The following BACH2 variants were observed in gnomAD, a reference collection of about 807,000 sequenced individuals.
BACH2 encodes the protein BACH transcriptional regulator 2.
A neutral mutation model predicts 61.8 loss-of-function variants in BACH2; 5 were observed. That is an observed-to-expected ratio of 0.08 (90% CI 0.04 to 0.17). The LOEUF is 0.17. BACH2 is among the 10% of genes least tolerant of loss of function. BACH2 has a pLI of 1.00. For synonymous variants in BACH2, 446 were observed against 440.1 expected (o/e 1.01, Z -0.17); for missense variants, 824 against 1,091.1 (o/e 0.76, Z 3.45).
chr6:90,253,895 A>AT (rs148639908), intron 2 of BACH2, among the ~76,000 whole-genome samples: 38,520 of 151,894 alleles, frequency 0.25, 5,681 homozygotes, highest in Non-Finnish European at 0.34. Context: ...TTGCCGAACT[A>AT]TTTTTTTTAA....
At chr6:89,942,860 TC>T (rs1237651038) in intron 7 of BACH2, among the ~76,000 whole-genome samples, 1 of 152,128 alleles carries the variant, frequency 6.6e-6, no homozygotes, top group Non-Finnish European at 1.5e-5. Context: ...TGTTGACTCT[TC>T]CCCCTCTGGA....
intron 6 of BACH2, among the ~76,000 whole-genome samples, chr6:89,967,513 C>T (rs1009877140): frequency 6.6e-6 from 1 of 152,164 alleles, no homozygotes; most frequent in Non-Finnish European, 1.5e-5. Context: ...CCTCCAGTTT[C>T]CTTGCACTAT....
intron 5 of BACH2, among the ~76,000 whole-genome samples, chr6:90,070,667 A>G (rs1737386700): frequency 6.6e-6 from 1 of 152,246 alleles, no homozygotes; most frequent in African/African-American, 2.4e-5. Context: ...TCATTCCAGT[A>G]GCAGAGGTTC....
Position 90,244,509 on chromosome 6 carries a change from A to T in BACH2, c.-275+8004T>A, listed in dbSNP as rs535729630. 5.9e-5 allele frequency among the ~76,000 whole-genome samples: 9 copies of T among 152,348 alleles called. No individual in the cohort carries two copies. The South Asian group carries it at 1.7e-3, about 28-fold the overall frequency. ...GGCTGGGCCCAACATTCTCATGGACAGACACTGCTGCCTACTTGGATGGAT... is the reference window on the plus strand; with the variant it reads ...GGCTGGGCCCAACATTCTCATGGACTGACACTGCTGCCTACTTGGATGGAT... On this transcript the variant is annotated intron_variant, in intron 3 of 8. Coordinates refer to ENST00000257749, the MANE Select transcript of BACH2 (RefSeq NM_021813.4).
At chr6:90,092,315 T>TATATATATATATATATACAC (rs142761642) in intron 4 of BACH2, among the ~76,000 whole-genome samples, 2 of 112,478 alleles carry the variant, frequency 1.8e-5, no homozygotes, top group East Asian at 6.8e-4. Flanking sequence ...TATATATATA[T>TATATATATATATATATACAC]ACACACACAC....
intron 6 of BACH2, among the ~76,000 whole-genome samples, chr6:89,991,516 A>G (rs985510722): frequency 3.9e-5 from 6 of 152,242 alleles, no homozygotes; most frequent in African/African-American, 1.4e-4. Context: ...TTTTCCCAGA[A>G]CCATTTGGAA....
At position 89,951,746 on chromosome 6, in the gene BACH2, G is replaced by A. The variant is rs765480241; in HGVS notation, c.360C>T (p.Asn120=). ...GGAAGCTGAAGCAGGAGTCCTCCAG[G>A]TTGTGCATGCGCAGGAACTCAGCAC... The part of the protein sequence containing the change: ...IRCAEFLRMH[N]LEDSCFSFLQ... The change falls in exon 7 of 9, where the codon AAC becomes AAT. Residue 120 remains asparagine (N), a synonymous_variant. Coordinates refer to ENST00000257749, the MANE Select transcript of BACH2 (RefSeq NM_021813.4). This position sits in a 1 kb window ranked among gnomAD's most constrained non-coding sequence, Gnocchi z 6.4. 6.2e-7 allele frequency: 1 copy of A among 1,614,222 alleles called. No individual in the cohort carries two copies. Among genetic ancestry groups the A allele is most frequent in the Non-Finnish European group, 8.5e-7 (1 of 1,180,050 alleles).
At chr6:90,270,954 C>CA (rs1035450234) in intron 2 of BACH2, among the ~76,000 whole-genome samples, 1 of 152,046 alleles carries the variant, frequency 6.6e-6, no homozygotes, top group Non-Finnish European at 1.5e-5. Flanking sequence ...TTTGACAAAG[C>CA]AAACAAAAAC....
At chr6:90,038,076 A>AAG (rs2127790112) in intron 5 of BACH2, among the ~76,000 whole-genome samples, 1 of 152,336 alleles carries the variant, frequency 6.6e-6, no homozygotes, top group East Asian at 1.9e-4. Flanking sequence ...GAGGCAATAC[A>AAG]TTTCTGTTGT....
At chr6:90,086,689 G>A (rs1485394674) in intron 5 of BACH2, among the ~76,000 whole-genome samples, 1 of 152,164 alleles carries the variant, frequency 6.6e-6, no homozygotes, top group Non-Finnish European at 1.5e-5. Flanking sequence ...TTCCTGACCT[G>A]TAGACAGGAA....
chr6:90,041,948 A>C (rs1273083955), intron 5 of BACH2, among the ~76,000 whole-genome samples: 2 of 152,022 alleles, frequency 1.3e-5, no homozygotes, highest in Non-Finnish European at 2.9e-5. Context: ...TTAGACACTT[A>C]ATTCATTTAT....
At chr6:90,101,834 T>A (rs924438950) in intron 4 of BACH2, among the ~76,000 whole-genome samples, 1 of 152,216 alleles carries the variant, frequency 6.6e-6, no homozygotes, top group Non-Finnish European at 1.5e-5. Context: ...TTTCTTTCTA[T>A]AGTATTCTGT....
At chr6:90,206,978 C>T (rs966573671) in intron 3 of BACH2, among the ~76,000 whole-genome samples, 1 of 151,982 alleles carries the variant, frequency 6.6e-6, no homozygotes, top group Non-Finnish European at 1.5e-5. Context: ...AGTCCAATTC[C>T]CCCCAAACAG....
intron 6 of BACH2, among the ~76,000 whole-genome samples, chr6:89,996,534 A>G (rs1776857701): frequency 6.6e-6 from 1 of 151,972 alleles, no homozygotes; most frequent in African/African-American, 2.4e-5. Context: ...ATTTCCCCAA[A>G]TCTCTCATTT....
Position 90,224,985 on chromosome 6 carries a change from A to C in BACH2, c.-274-18304T>G, listed in dbSNP as rs1424683129. On this transcript the variant is annotated intron_variant, in intron 3 of 8. Transcript: ENST00000257749. Reference sequence around the variant, plus strand: ...TTTGAAATACATTATTCATATCTCAATGTTGTTCATCCATTAATTCATTCA... The same window carrying C: ...TTTGAAATACATTATTCATATCTCACTGTTGTTCATCCATTAATTCATTCA... 2.0e-5 allele frequency among the ~76,000 whole-genome samples: 3 copies of C among 152,176 alleles called. No homozygotes were observed. The East Asian group carries it at 5.8e-4, about 29-fold the overall frequency.
intron 4 of BACH2, among the ~76,000 whole-genome samples, chr6:90,105,242 G>A (rs963865035): frequency 6.6e-6 from 1 of 152,206 alleles, no homozygotes; most frequent in African/African-American, 2.4e-5. Context: ...GAATATCAAG[G>A]TGCTCACACA....
At chr6:90,249,759 A>G (rs1349642151) in intron 3 of BACH2, among the ~76,000 whole-genome samples, 1 of 152,200 alleles carries the variant, frequency 6.6e-6, no homozygotes, top group East Asian at 1.9e-4. Context: ...TGGTTGACAG[A>G]GTGAGACCCT....
chr6:90,115,781 G>A (rs572253165), intron 4 of BACH2, among the ~76,000 whole-genome samples: 1 of 152,082 alleles, frequency 6.6e-6, no homozygotes, highest in Non-Finnish European at 1.5e-5. Context: ...TCCAACCAAG[G>A]TCTAATATCC....
chr6:90,198,253 T>G (rs1235127891), intron 4 of BACH2, among the ~76,000 whole-genome samples: 1 of 152,216 alleles, frequency 6.6e-6, no homozygotes. Flanking sequence ...CATGGCTTGC[T>G]TGCACCCACA....
Sources: gnomAD v4.1 joint callset for allele counts (sites outside exome capture counted in the v4.1 genomes callset) on GRCh38, gnomAD v4.1.1 for gene constraint, Gnocchi (gnomAD v3.1) non-coding constraint, MANE v1.5 for transcripts, NCBI Gene and HGNC (gene_info 2026-07-23, HGNC 2026-07-21) for gene names.